The following AFG2A variants were observed in gnomAD, a reference collection of about 807,000 sequenced individuals.
AFG2A encodes ATPase family gene 2 protein homolog A.
chr4:122,944,653 G>A, the AFG2A span, among the ~76,000 whole-genome samples: 11 of 152,060 alleles, frequency 7.2e-5, no homozygotes, highest in African/African-American at 2.2e-4. Flanking sequence ...GTCATTCTCC[G>A]TCCAGCTTTG....
At chr4:123,212,732 C>G in the AFG2A span, among the ~76,000 whole-genome samples, 1 of 152,074 alleles carries the variant, frequency 6.6e-6, no homozygotes, top group Non-Finnish European at 1.5e-5. Context: ...CCTGGAGAGC[C>G]GTTTGCATGG....
chr4:122,982,054 G>A, the AFG2A span, among the ~76,000 whole-genome samples: 176 of 152,056 alleles, frequency 1.2e-3, no homozygotes, highest in African/African-American at 4.1e-3. Flanking sequence ...TAGAAGTTGC[G>A]AGAGTGAGCA....
the AFG2A span, among the ~76,000 whole-genome samples, chr4:123,175,471 T>G: frequency 6.6e-6 from 1 of 152,216 alleles, no homozygotes; most frequent in Non-Finnish European, 1.5e-5. Context: ...AAGAAGTTTT[T>G]GAAAAATCAG....
At chr4:123,233,570 G>A in the AFG2A span, among the ~76,000 whole-genome samples, 1 of 152,004 alleles carries the variant, frequency 6.6e-6, no homozygotes, top group African/African-American at 2.4e-5. Flanking sequence ...ATTTAGGTTG[G>A]AAATCATGCC....
the AFG2A span, among the ~76,000 whole-genome samples, chr4:122,968,788 C>T: frequency 1.3e-5 from 2 of 151,966 alleles, no homozygotes; most frequent in Non-Finnish European, 2.9e-5. Flanking sequence ...ACCTGTTGTG[C>T]GTGAAAATTC....
the AFG2A span, among the ~76,000 whole-genome samples, chr4:123,182,252 GA>G: frequency 2.0e-5 from 3 of 152,202 alleles, no homozygotes; most frequent in South Asian, 6.2e-4. Context: ...TTATTATGGA[GA>G]AAAAATTTTA....
At chr4:122,937,270 A>T in the AFG2A span, among the ~76,000 whole-genome samples, 1 of 152,164 alleles carries the variant, frequency 6.6e-6, no homozygotes, top group African/African-American at 2.4e-5. Context: ...ATTGAAATCT[A>T]AATTCCCTGA....
chr4:123,125,139 A>G, the AFG2A span, among the ~76,000 whole-genome samples: 1 of 152,218 alleles, frequency 6.6e-6, no homozygotes, highest in Admixed American at 6.5e-5. Flanking sequence ...TGAAATGTAC[A>G]TAGATTTTTC....
chr4:123,007,666 C>CACAT, the AFG2A span, among the ~76,000 whole-genome samples: 54,221 of 126,046 alleles, frequency 0.43, 15,125 homozygotes, highest in Non-Finnish European at 0.56. Context: ...CACACACACA[C>CACAT]ATATATGGAC....
chr4:123,059,246 G>A, the AFG2A span, among the ~76,000 whole-genome samples: 211 of 150,862 alleles, frequency 1.4e-3, no homozygotes, highest in Middle Eastern at 0.014. Flanking sequence ...CTGGTGTGCT[G>A]CACCCATTAA....
chr4:123,118,544 C>T, the AFG2A span, among the ~76,000 whole-genome samples: 1 of 151,468 alleles, frequency 6.6e-6, no homozygotes, highest in Non-Finnish European at 1.5e-5. Context: ...AGTTATTCAA[C>T]CAGTGCCTTA....
chr4:123,313,986 T>G, the AFG2A span: 2 of 1,612,608 alleles, frequency 1.2e-6, no homozygotes, highest in Non-Finnish European at 1.7e-6. Context: ...CCTTGAGCAC[T>G]GTGACACCTA....
the AFG2A span, among the ~76,000 whole-genome samples, chr4:123,103,285 A>G: frequency 6.6e-6 from 1 of 152,076 alleles, no homozygotes; most frequent in Non-Finnish European, 1.5e-5. Flanking sequence ...GGTTTGTGTG[A>G]GTTGAGGACT....
At chr4:123,094,185 A>T in the AFG2A span, among the ~76,000 whole-genome samples, 1 of 152,130 alleles carries the variant, frequency 6.6e-6, no homozygotes, top group Non-Finnish European at 1.5e-5. Flanking sequence ...AGTTCTTAGT[A>T]AGACTAAGTC....
the AFG2A span, among the ~76,000 whole-genome samples, chr4:123,130,622 C>T: frequency 3.3e-5 from 5 of 151,988 alleles, no homozygotes; most frequent in South Asian, 2.1e-4. Context: ...GGTATTATTC[C>T]GCTATATAGA....
chr4:122,950,340 A>G, the AFG2A span, among the ~76,000 whole-genome samples: 1 of 142,822 alleles, frequency 7.0e-6, no homozygotes, highest in African/African-American at 2.6e-5. Context: ...GTCATTGTTA[A>G]TTTTTTTTTT....
the AFG2A span, among the ~76,000 whole-genome samples, chr4:122,963,864 A>G: frequency 6.6e-6 from 1 of 152,198 alleles, no homozygotes; most frequent in Non-Finnish European, 1.5e-5. Context: ...AGGGATAAAT[A>G]TAGTTAGTCC....
the AFG2A span, among the ~76,000 whole-genome samples, chr4:123,084,844 T>A: frequency 6.6e-6 from 1 of 152,112 alleles, no homozygotes; most frequent in Non-Finnish European, 1.5e-5. Flanking sequence ...TTGCCAAGGC[T>A]GGTCTCAAAC....
the AFG2A span, among the ~76,000 whole-genome samples, chr4:122,958,905 G>A: frequency 1.3e-5 from 2 of 152,190 alleles, no homozygotes; most frequent in African/African-American, 2.4e-5. Context: ...AAGTGATTTT[G>A]AAGCAGCCAG....
Sources: allele counts gnomAD v4.1 joint callset (sites outside exome capture counted in the v4.1 genomes callset), GRCh38; gene constraint gnomAD v4.1.1; transcripts MANE v1.5; gene names NCBI Gene and HGNC (gene_info 2026-07-23, HGNC 2026-07-21).